TEX11: variants seen among roughly 807,000 people sequenced by gnomAD.
TEX11 encodes the protein testis expressed 11, also known as testis-expressed protein 11.
A neutral mutation model predicts 84.4 loss-of-function variants in TEX11; 7 were observed. The ratio of observed to expected loss-of-function variants is 0.08; its 90% CI spans 0.05 to 0.16. TEX11 has a LOEUF of 0.16. Ranked by LOEUF, TEX11 falls within the 10% of genes least tolerant of loss-of-function variation. The pLI is 1.00. For missense variants in TEX11, 551 were observed against 660.5 expected, an observed-to-expected ratio of 0.83 and a Z score of 1.82; for synonymous variants, 264 against 222.8, an observed-to-expected ratio of 1.18 and a Z score of -1.64.
At chrX:70,517,767 G>A in the TEX11 span, among the ~76,000 whole-genome samples, 1 of 110,982 alleles carries the variant, frequency 9.0e-6, no homozygotes, top group Non-Finnish European at 1.9e-5. Context: ...ATTTTTGGTT[G>A]GTAGGCTATT....
intron 8 of TEX11, among the ~76,000 whole-genome samples, chrX:70,812,484 G>A (rs1158453043): frequency 9.0e-6 from 1 of 111,329 alleles, no homozygotes; most frequent in South Asian, 3.8e-4. Context: ...TGGGATTACA[G>A]GCATGAGCCA....
chrX:70,781,585 T>C (rs923976298), intron 9 of TEX11, among the ~76,000 whole-genome samples: 2 of 111,592 alleles, frequency 1.8e-5, no homozygotes, highest in African/African-American at 6.5e-5. Context: ...GTTAGTCGGA[T>C]GGCTAACTAG....
chrX:70,745,060 C>T lies in TEX11; in HGVS notation c.693-841G>A, dbSNP rs146741862. On this transcript the variant is annotated intron_variant, in intron 9 of 29. Coordinates refer to ENST00000374333, the MANE Select transcript of TEX11 (RefSeq NM_031276.3). ...ATACAGTTGTTTTCACAGAAACAAA[C>T]GCTTTAGCAATATTCATTAAGTCTC... is the stretch of plus-strand genomic sequence containing the variant. Among the ~76,000 whole-genome samples the T allele has an allele frequency of 6.9e-3, 759 of 109,906 alleles. 10 individuals are homozygous for T. Among genetic ancestry groups the T allele is most frequent in the African/African-American group, 0.023 (710 of 30,233 alleles).
Position 70,771,703 on chromosome X carries a change from A to G in TEX11, c.693-27484T>C, listed in dbSNP as rs1394431810. Among the ~76,000 whole-genome samples the G allele has an allele frequency of 3.6e-5, 4 of 112,215 alleles. 1 individual carries two copies. In the Admixed American group the frequency reaches 3.8e-4, roughly 11 times the overall value. On this transcript the variant is annotated intron_variant, in intron 9 of 29. Coordinates refer to ENST00000374333, the MANE Select transcript of TEX11 (RefSeq NM_031276.3). ...TTTTTAATAAGCAAAGAAGTTTTAA[A>G]CTATATTTTTACTGTATCTATGTCT...
chrX:70,788,969 TATATAG>T (rs1185860766), intron 9 of TEX11, among the ~76,000 whole-genome samples: 10 of 24,942 alleles, frequency 4.0e-4, no homozygotes, highest in African/African-American at 5.6e-4. Context: ...TATATATATA[TATATAG>T]AGAGAGAGAG....
intron 13 of TEX11, among the ~76,000 whole-genome samples, chrX:70,712,626 T>C (rs988969424): frequency 2.7e-5 from 3 of 111,347 alleles, no homozygotes; most frequent in Non-Finnish European, 3.8e-5. Flanking sequence ...CCTGTGATTT[T>C]TGCACATTGA....
At chrX:70,538,695 G>C (rs1454135742) in intron 28 of TEX11, among the ~76,000 whole-genome samples, 1 of 110,467 alleles carries the variant, frequency 9.1e-6, no homozygotes, top group Admixed American at 9.8e-5. Context: ...GAAATAACAC[G>C]GCTGCAATTT....
intron 28 of TEX11, among the ~76,000 whole-genome samples, chrX:70,533,175 A>G (rs765535904): frequency 3.8e-3 from 428 of 112,553 alleles, no homozygotes; most frequent in Non-Finnish European, 6.5e-3. Flanking sequence ...GGAAGAATCA[A>G]TAGAATTTGG....
intron 9 of TEX11, among the ~76,000 whole-genome samples, chrX:70,774,057 A>G (rs2147779519): frequency 9.1e-6 from 1 of 110,359 alleles, no homozygotes; most frequent in African/African-American, 3.3e-5. Context: ...ACACAACAGC[A>G]CTGTTCCAGA....
intron 5 of TEX11, among the ~76,000 whole-genome samples, chrX:70,859,580 CAAAAAAAAAA>C (rs760041212): frequency 4.3e-4 from 15 of 35,036 alleles, no homozygotes; most frequent in African/African-American, 1.1e-3. Context: ...AGATCCTGTC[CAAAAAAAAAA>C]AAAAAAAAAA....
At chrX:70,546,506 C>G (rs1016690452) in intron 28 of TEX11, among the ~76,000 whole-genome samples, 2 of 110,819 alleles carry the variant, frequency 1.8e-5, no homozygotes, top group Admixed American at 9.7e-5. Context: ...TGGTAAAGGA[C>G]TTGTATCCAG....
At chrX:70,712,960 A>G (rs1251747005) in intron 13 of TEX11, among the ~76,000 whole-genome samples, 44 of 110,985 alleles carry the variant, frequency 4.0e-4, no homozygotes, top group Non-Finnish European at 7.9e-4. Context: ...TTTGAGATAC[A>G]TCCCATCAAT....
intron 13 of TEX11, among the ~76,000 whole-genome samples, chrX:70,704,630 T>C (rs2090354543): frequency 1.8e-5 from 2 of 111,606 alleles, no homozygotes; most frequent in Non-Finnish European, 3.8e-5. Flanking sequence ...TCTGTTGCCA[T>C]CTATCTATCC....
intron 11 of TEX11, among the ~76,000 whole-genome samples, chrX:70,730,506 C>CA (rs1569422235): frequency 9.0e-6 from 1 of 111,426 alleles, no homozygotes; most frequent in Non-Finnish European, 1.9e-5. Flanking sequence ...TGCAATCTTA[C>CA]TCTCTGATAA....
chrX:70,802,722 A>G (rs1050118194), intron 9 of TEX11, among the ~76,000 whole-genome samples: 1 of 111,435 alleles, frequency 9.0e-6, no homozygotes, highest in Non-Finnish European at 1.9e-5. Context: ...TAAGAATATG[A>G]CTAAGGTTTG....
In TEX11 at chrX:70,811,973, C is replaced by T. The variant is rs188105429; in HGVS notation, c.607-5183G>A. Among the ~76,000 whole-genome samples, 313 of 111,506 alleles carry T rather than the reference C, an allele frequency of 2.8e-3. 3 individuals are homozygous for T. The highest frequency in any genetic ancestry group is 0.025 in the Admixed American group (256 of 10,448). On this transcript the variant is annotated intron_variant, in intron 8 of 29. Coordinates refer to ENST00000374333, the MANE Select transcript of TEX11 (RefSeq NM_031276.3). ...TGCAAAAATTTTCTCCCATTCTGTA[C>T]GCTGCCTGTTCACTCTGATGGTAGT...
chrX:70,744,123 G>A (rs199817618), intron 10 of TEX11, 42 bp downstream of exon 10: 1 of 867,123 alleles, frequency 1.2e-6, no homozygotes, highest in Non-Finnish European at 1.5e-6. Context: ...AAATAAAGCA[G>A]GTTATTCAAC....
At chrX:70,642,216 C>G (rs2089669871) in intron 17 of TEX11, among the ~76,000 whole-genome samples, 1 of 111,504 alleles carries the variant, frequency 9.0e-6, no homozygotes, top group Non-Finnish European at 1.9e-5. Context: ...AAGACTAAAC[C>G]AGGAAGAAGT....
In TEX11 at chrX:70,539,038, A is replaced by ATTTTTTTTT. The variant is rs775537536; in HGVS notation, c.2521-9048_2521-9040dup. ...CTTGGAAATATATATATATATATAT[A>ATTTTTTTTT]TTTTTTTTTTTTTTAAGATGGAGTC... On this transcript the variant is annotated intron_variant, in intron 28 of 29. Coordinates refer to ENST00000374333, the MANE Select transcript of TEX11 (RefSeq NM_031276.3). Among the ~76,000 whole-genome samples, 254 of 41,243 alleles carry ATTTTTTTTT rather than the reference A, an allele frequency of 6.2e-3. 3 individuals are homozygous for ATTTTTTTTT. Among genetic ancestry groups the ATTTTTTTTT allele is most frequent in the Middle Eastern group, 0.026 (1 of 39 alleles). The allele number at this position is 41,243 out of a possible 115,157, so 35.8% of individuals were successfully genotyped here.
Sources: allele counts gnomAD v4.1 joint callset (sites outside exome capture counted in the v4.1 genomes callset), GRCh38; gene constraint gnomAD v4.1.1; transcripts MANE v1.5; gene names NCBI Gene and HGNC (gene_info 2026-07-23, HGNC 2026-07-21).